The following LDAF1 variants were observed in gnomAD, a reference collection of about 807,000 sequenced individuals.
LDAF1 encodes the protein lipid droplet assembly factor 1.
A neutral mutation model predicts 13.5 loss-of-function variants in LDAF1; 7 were observed. That is an observed-to-expected ratio of 0.52 (90% confidence interval 0.29 to 0.97). LDAF1 has a LOEUF of 0.97. Among genes scored for constraint, LDAF1 ranks in the 50% least tolerant of loss-of-function variants. The pLI, the probability that LDAF1 is intolerant of heterozygous loss-of-function variation, is 0.07. For synonymous variants in LDAF1, 69 were observed against 77.1 expected (o/e 0.89, Z 0.55); for missense variants, 148 against 193.2 (o/e 0.77, Z 1.39).
chr16:21,159,456 T>C (rs760883609), intron 1 of LDAF1: 104 of 1,611,320 alleles, frequency 6.5e-5, no homozygotes, highest in Non-Finnish European at 8.3e-5. Context: ...CAACCAGAGA[T>C]GTGACCCCTC....
chr16:21,178,571 T>C (rs1050892079), intron 4 of LDAF1, among the ~76,000 whole-genome samples: 7 of 152,238 alleles, frequency 4.6e-5, no homozygotes, highest in Non-Finnish European at 8.8e-5. Flanking sequence ...CCTGTGTTGC[T>C]ATCCTTAGCC....
rs35310574 is a variant in LDAF1, at chr16:21,163,859, T to TTTGG, written c.96+2584_96+2585insGTTG. Among the ~76,000 whole-genome samples, 25 of 151,616 alleles carry TTTGG rather than the reference T, an allele frequency of 1.6e-4. No individual in the cohort carries two copies. In the East Asian group the frequency reaches 4.9e-3, roughly 30 times the overall value. Reference sequence around the variant, plus strand: ...TAGTCACGTTCACCTGCCTTTTTTGTTTGTTTGTTTTTGTATTTTTAGTAG... The same window carrying TTTGG: ...TAGTCACGTTCACCTGCCTTTTTTGTTTGGTTGTTTGTTTTTGTATTTTTAGTAG... On this transcript the variant is annotated intron_variant, in intron 2 of 4. Transcript: ENST00000233047.
intron 1 of LDAF1, among the ~76,000 whole-genome samples, chr16:21,159,701 G>T (rs902447561): frequency 6.6e-6 from 1 of 152,330 alleles, no homozygotes; most frequent in East Asian, 1.9e-4. Flanking sequence ...GTGACCAGGG[G>T]GTCTGGGAAT....
chr16:21,158,705 C>T lies in LDAF1; in HGVS notation c.-140C>T, dbSNP rs965038113. The T allele has an allele frequency of 2.0e-5, 3 of 152,868 alleles. No individual in the cohort carries two copies. The highest frequency in any genetic ancestry group is 7.2e-5 in the African/African-American group (3 of 41,470). 9.5% of individuals were successfully genotyped at this position (152,868 alleles called of 1,614,324 possible). ...TTCCTCCTCCTGCCTCTCTTCGCTT[C>T]GCCTGCAAACGCGGTGGGGGCTGCT... is the stretch of plus-strand genomic sequence containing the variant. On this transcript the variant is annotated 5_prime_UTR_variant, in exon 1 of 5. Transcript: ENST00000233047.
rs915392363 is a variant in LDAF1, at chr16:21,180,232, T to C, written c.*676T>C. Reference sequence around the variant, plus strand: ...GTCCTTTAAGTAATTTCTTTCTTTTTTTTTTTTTTTTTTTTTTGTGACGGA... The same window carrying C: ...GTCCTTTAAGTAATTTCTTTCTTTTCTTTTTTTTTTTTTTTTTGTGACGGA... On this transcript the variant is annotated 3_prime_UTR_variant, in exon 5 of 5. Transcript: ENST00000233047. 1.4e-5 allele frequency: 2 copies of C among 143,138 alleles called. No homozygotes were observed. Among genetic ancestry groups the C allele is most frequent in the Non-Finnish European group, 3.0e-5 (2 of 65,668 alleles). The allele number at this position is 143,138 out of a possible 1,614,324, so 8.9% of individuals were successfully genotyped here. A position where few individuals can be genotyped will look rare whatever the true frequency, so the allele number is the denominator to read the frequency against.
chr16:21,165,491 TG>T, intron 2 of LDAF1: 1 of 623,366 alleles, frequency 1.6e-6, no homozygotes, highest in Non-Finnish European at 2.0e-6. Flanking sequence ...TTTATATCCC[TG>T]TGCCATACAG....
intron 3 of LDAF1, chr16:21,172,708 G>A (rs192315522): frequency 7.2e-5 from 19 of 264,254 alleles, no homozygotes; most frequent in Admixed American, 4.5e-4. Context: ...CTGGAGTGGG[G>A]TTTAGAAATC....
At chr16:21,166,717 C>CATCA (rs1347386757) in intron 2 of LDAF1, 1 of 729,058 alleles carries the variant, frequency 1.4e-6, no homozygotes, top group Admixed American at 2.2e-5. Flanking sequence ...ACACAGGGAG[C>CATCA]ATCAAATAAG....
intron 2 of LDAF1, chr16:21,170,152 AC>A (rs2093072333): frequency 4.9e-6 from 1 of 202,142 alleles, no homozygotes; most frequent in Non-Finnish European, 8.8e-6. Context: ...ACAGGCACAC[AC>A]CACCGTGCCT....
At chr16:21,176,501 A>G (rs930260729) in intron 4 of LDAF1, among the ~76,000 whole-genome samples, 7 of 151,970 alleles carry the variant, frequency 4.6e-5, no homozygotes, top group African/African-American at 1.7e-4. Context: ...AAATTAGCCA[A>G]CTGTGGTGGT....
intron 2 of LDAF1, chr16:21,165,686 C>T (rs2093017121): frequency 1.2e-6 from 1 of 846,522 alleles, no homozygotes; most frequent in African/African-American, 1.9e-5. Flanking sequence ...TAAATCATTC[C>T]TTTAATCATG....
intron 4 of LDAF1, among the ~76,000 whole-genome samples, chr16:21,174,622 G>A (rs545199834): frequency 1.3e-5 from 2 of 152,320 alleles, no homozygotes; most frequent in African/African-American, 4.8e-5. Flanking sequence ...CCAGGCATCA[G>A]GTGGGAATTT....
intron 4 of LDAF1, among the ~76,000 whole-genome samples, chr16:21,176,547 A>G (rs1374815208): frequency 1.3e-5 from 2 of 151,932 alleles, no homozygotes; most frequent in African/African-American, 4.8e-5. Context: ...GGAGGCTGAG[A>G]TGGGAGGATC....
chr16:21,170,643 T>C (rs1347956416), intron 3 of LDAF1, 38 bp downstream of exon 3: 1 of 1,610,402 alleles, frequency 6.2e-7, no homozygotes, highest in Admixed American at 1.7e-5. Flanking sequence ...AGAAAATAAT[T>C]CAATTGGGAG....
At position 21,175,790 on chromosome 16, in the gene LDAF1, A is replaced by G. The variant is rs536075564; in HGVS notation, c.404+1642A>G. Among the ~76,000 whole-genome samples the G allele has an allele frequency of 5.9e-5, 9 of 152,342 alleles. No homozygotes were observed. In the East Asian group the frequency reaches 1.7e-3, roughly 29 times the overall value. On this transcript the variant is annotated intron_variant, in intron 4 of 4. Coordinates refer to ENST00000233047, the MANE Select transcript of LDAF1 (RefSeq NM_001301771.2). ...TCCTATGTTGAAAAATAAAGGGTGA[A>G]GTGGGTATAATATAAAATTGCTCAA...
chr16:21,165,096 A>T (rs1298555465), intron 2 of LDAF1, among the ~76,000 whole-genome samples: 1 of 152,188 alleles, frequency 6.6e-6, no homozygotes, highest in East Asian at 1.9e-4. Flanking sequence ...TTCTGGGTTT[A>T]ATCATCTGAA....
chr16:21,159,024 ACACTAC>A (rs945816639), intron 1 of LDAF1, among the ~76,000 whole-genome samples: 24 of 150,320 alleles, frequency 1.6e-4, no homozygotes, highest in African/African-American at 5.6e-4. Context: ...ATACACACAC[ACACTAC>A]CACTAGATTA....
At chr16:21,162,834 C>T (rs1228136860) in intron 2 of LDAF1, among the ~76,000 whole-genome samples, 3 of 152,204 alleles carry the variant, frequency 2.0e-5, no homozygotes, top group Non-Finnish European at 2.9e-5. Flanking sequence ...TCTCATTAAC[C>T]ATGGTAGTTA....
At chr16:21,173,809 G>GT (rs1237551967) in intron 3 of LDAF1, among the ~76,000 whole-genome samples, 1 of 152,180 alleles carries the variant, frequency 6.6e-6, no homozygotes, top group African/African-American at 2.4e-5. Flanking sequence ...CCAGCCAGTT[G>GT]TTGCCATGGT....
Sources: gnomAD v4.1 joint callset for allele counts (sites outside exome capture counted in the v4.1 genomes callset) on GRCh38, gnomAD v4.1.1 for gene constraint, MANE v1.5 for transcripts, NCBI Gene and HGNC (gene_info 2026-07-23, HGNC 2026-07-21) for gene names.